GMFB: variants seen among roughly 807,000 people sequenced by gnomAD.
The protein encoded by GMFB is glia maturation factor beta.
A neutral mutation model predicts 25.6 loss-of-function variants in GMFB; 13 were observed. The observed-to-expected ratio is 0.51, with a 90% confidence interval of 0.33 to 0.81. The LOEUF (loss-of-function observed/expected upper bound fraction) is 0.81, where lower values mean the gene tolerates loss of function less well. Among genes scored for constraint, GMFB ranks in the 30% least tolerant of loss-of-function variants. The pLI is 0.02. For synonymous variants in GMFB, 57 were observed against 56.9 expected, an observed-to-expected ratio of 1.00 and a Z score of 0.00; for missense variants, 146 against 175.4, an observed-to-expected ratio of 0.83 and a Z score of 0.95.
intron 1 of GMFB, among the ~76,000 whole-genome samples, chr14:54,487,674 T>C (rs376322486): frequency 1.3e-5 from 2 of 152,254 alleles, no homozygotes; most frequent in Admixed American, 6.5e-5. Context: ...GATCCCGCCA[T>C]TGCACTCCAG....
At chr14:54,479,706 T>G (rs1298219683) in intron 6 of GMFB, 80 bp downstream of exon 6, 2 of 786,508 alleles carry the variant, frequency 2.5e-6, no homozygotes, top group African/African-American at 1.7e-5. Context: ...TAAAAAATAC[T>G]CCTTTAGACT....
At chr14:54,483,461 A>G in intron 2 of GMFB, 1 of 532,844 alleles carries the variant, frequency 1.9e-6, no homozygotes, top group East Asian at 3.2e-5. Context: ...AGCTGATAAA[A>G]GGACTATGGG....
intron 1 of GMFB, 143 bp downstream of exon 1, chr14:54,488,782 G>A: frequency 1.7e-6 from 1 of 605,294 alleles, no homozygotes; most frequent in Non-Finnish European, 2.7e-6. Flanking sequence ...CTCTAGCTAT[G>A]GGCACTGGCC....
rs367566649 is a variant in GMFB at position 54,478,229 on chromosome 14, T to A, written c.358-70A>T. 80 of 568,822 alleles carry A rather than the reference T, an allele frequency of 1.4e-4. 2 individuals are homozygous for A. The highest frequency in any genetic ancestry group is 6.9e-4 in the Middle Eastern group (2 of 2,882). The allele number at this position is 568,822 out of a possible 1,614,324, so 35.2% of individuals were successfully genotyped here. ...AAAAAAGTCAAATATTTGAATTTTTTAAAATATATTTGAGTATTATACACC... is the reference window on the plus strand; with the variant it reads ...AAAAAAGTCAAATATTTGAATTTTTAAAAATATATTTGAGTATTATACACC... On this transcript the variant is annotated intron_variant, in intron 6 of 6. Coordinates refer to ENST00000358056, the MANE Select transcript of GMFB (RefSeq NM_004124.3).
At chr14:54,479,517 T>C in intron 6 of GMFB, 1 of 343,370 alleles carries the variant, frequency 2.9e-6, no homozygotes. Flanking sequence ...AAACTAACTC[T>C]CAATAGATTT....
Position 54,482,179 on chromosome 14 carries a change from G to A in GMFB, c.124C>T (p.Leu42=), listed in dbSNP as rs2031720449. 6.2e-7 allele frequency: 1 copy of A among 1,604,812 alleles called. No homozygotes were observed. Among genetic ancestry groups the A allele is most frequent in the Non-Finnish European group, 8.5e-7 (1 of 1,171,794 alleles). Residue 42 remains leucine, a synonymous_variant, in exon 3 of 7, where the codon CTG becomes TTG. Transcript: ENST00000358056. ...TCAAGCTCCTCATCCAGTACCACCA[G>A]GCGTTTATCCTTGTCAATCTTCACT... The part of the protein sequence containing the change: ...IIMKIDKDKR[L]VVLDEELEGI...
chr14:54,487,233 TAAA>T (rs1340704976), intron 1 of GMFB, among the ~76,000 whole-genome samples: 3 of 151,922 alleles, frequency 2.0e-5, no homozygotes, highest in Admixed American at 2.0e-4. Context: ...CCGTCTCTAC[TAAA>T]AATACAAAAT....
chr14:54,483,601 A>G (rs866753173), intron 2 of GMFB, 70 bp downstream of exon 2: 13 of 789,648 alleles, frequency 1.6e-5, no homozygotes, highest in African/African-American at 1.0e-4. Flanking sequence ...GGTTCAGTTC[A>G]TTCAATGTAG....
At chr14:54,480,829 A>G in intron 5 of GMFB, 45 bp downstream of exon 5, 1 of 967,876 alleles carries the variant, frequency 1.0e-6, no homozygotes, top group Non-Finnish European at 1.6e-6. Flanking sequence ...AAATGGCTTA[A>G]TTGGATCTAA....
intron 1 of GMFB, among the ~76,000 whole-genome samples, chr14:54,487,569 C>T (rs1433279258): frequency 6.6e-6 from 1 of 152,032 alleles, no homozygotes; most frequent in Non-Finnish European, 1.5e-5. Flanking sequence ...CAAAATTAGC[C>T]GGGCGTGGTG....
chr14:54,476,057 G>C lies in GMFB; in HGVS notation c.*2031C>G, dbSNP rs2031635687. The C allele has an allele frequency of 6.6e-6, 1 of 152,174 alleles. No individual in the cohort carries two copies. The allele number at this position is 152,174 out of a possible 1,614,324, so 9.4% of individuals were successfully genotyped here. ...CCCATAGGACAGATGGAATAAAAAT[G>C]TCCTACTGATCCTCTAACCTCAATC... is the stretch of plus-strand genomic sequence containing the variant. On this transcript the variant is annotated 3_prime_UTR_variant, in exon 7 of 7. Transcript: ENST00000358056.
Position 54,475,842 on chromosome 14 carries a change from T to C in GMFB, c.*2246A>G, listed in dbSNP as rs1490167966. ...CAGATTTAAGGCTGAATGGGAATGG[T>C]TGTACCAGAAAGATAACGGAATGTA... On this transcript the variant is annotated 3_prime_UTR_variant, in exon 7 of 7. Transcript: ENST00000358056. 3 of 152,238 alleles carry C rather than the reference T, an allele frequency of 2.0e-5. No homozygotes were observed. Among genetic ancestry groups the C allele is most frequent in the South Asian group, 2.1e-4 (1 of 4,828 alleles). 9.4% of individuals were successfully genotyped at this position (152,238 alleles called of 1,614,324 possible).
At chr14:54,485,183 G>A (rs1169336468) in intron 1 of GMFB, among the ~76,000 whole-genome samples, 1 of 151,880 alleles carries the variant, frequency 6.6e-6, no homozygotes, top group Non-Finnish European at 1.5e-5. Flanking sequence ...AGAGCAGTTA[G>A]GGAAGAGAAA....
chr14:54,481,056 A>T (rs941736705), intron 4 of GMFB, 100 bp from the exon 5 acceptor site: 1 of 611,118 alleles, frequency 1.6e-6, no homozygotes, highest in Non-Finnish European at 2.9e-6. Context: ...CTATTCTTTT[A>T]GGCCACACCT....
rs74934952 is a variant in GMFB, at chr14:54,480,664, T to G, written c.283+210A>C. 166 of 400,110 alleles carry G rather than the reference T, an allele frequency of 4.1e-4. 2 individuals are homozygous for G. The East Asian group carries it at 6.3e-3, about 15-fold the overall frequency. The allele number at this position is 400,110 out of a possible 1,614,324, so 24.8% of individuals were successfully genotyped here. ...AGTCAACAATTACACGTCTAGAAAT[T>G]TATCCTAAGAAAATAAGTTCTAAGA... is the stretch of plus-strand genomic sequence containing the variant. On this transcript the variant is annotated intron_variant, in intron 5 of 6. Transcript: ENST00000358056.
At chr14:54,488,634 G>C (rs2031822152) in intron 1 of GMFB, 3 of 393,452 alleles carry the variant, frequency 7.6e-6, no homozygotes, top group South Asian at 7.2e-5. Flanking sequence ...CCTCCAACCA[G>C]AAGGACCTGG....
rs1303539718 is a variant in GMFB, at chr14:54,476,465, G to A, written c.*1623C>T. 2.0e-5 allele frequency: 3 copies of A among 151,832 alleles called. No homozygotes were observed. Among genetic ancestry groups the A allele is most frequent in the Non-Finnish European group, 4.4e-5 (3 of 67,864 alleles). The allele number at this position is 151,832 out of a possible 1,614,324, so 9.4% of individuals were successfully genotyped here. A position where few individuals can be genotyped will look rare whatever the true frequency, so the allele number is the denominator to read the frequency against. On this transcript the variant is annotated 3_prime_UTR_variant, in exon 7 of 7. Transcript: ENST00000358056. ...TCCAATATCAAAATACCTGTTTAAAGAATTTTTAAACTTCCTGGGTGAGTT... is the reference window on the plus strand; with the variant it reads ...TCCAATATCAAAATACCTGTTTAAAAAATTTTTAAACTTCCTGGGTGAGTT...
intron 5 of GMFB, 76 bp from the exon 6 acceptor site, chr14:54,479,935 T>A: frequency 1.2e-6 from 1 of 840,888 alleles, no homozygotes; most frequent in East Asian, 2.5e-5. Flanking sequence ...TTTTATTTTT[T>A]AAAATGACAC....
chr14:54,481,012 C>G (rs753875555), intron 4 of GMFB, 56 bp from the exon 5 acceptor site: 50 of 791,240 alleles, frequency 6.3e-5, no homozygotes, highest in Non-Finnish European at 9.5e-5. Flanking sequence ...TATTTACCAA[C>G]ACCTGGGGAG....
Sources: allele counts gnomAD v4.1 joint callset (sites outside exome capture counted in the v4.1 genomes callset), GRCh38; gene constraint gnomAD v4.1.1; transcripts MANE v1.5; gene names NCBI Gene and HGNC (gene_info 2026-07-23, HGNC 2026-07-21).